GPCPD1: variants seen among roughly 807,000 people sequenced by gnomAD.
The protein encoded by GPCPD1 is glycerophosphocholine phosphodiesterase GPCPD1.
In GPCPD1, 29 loss-of-function variants were observed where a neutral mutation model predicts 89.2. The ratio of observed to expected loss-of-function variants is 0.33; its 90% CI spans 0.24 to 0.44. GPCPD1 has a LOEUF of 0.44. Among genes scored for constraint, GPCPD1 ranks in the 20% least tolerant of loss-of-function variants. The probability of loss-of-function intolerance (pLI) is 1.00; values close to 1 mark genes in which losing one functional copy is unlikely to be tolerated. For missense variants in GPCPD1, 594 were observed against 808.9 expected (o/e 0.73, Z 3.22); for synonymous variants, 258 against 266.3 (o/e 0.97, Z 0.30).
Position 5,545,207 on chromosome 20 carries a change from T to A in GPCPD1, c.*2454A>T, listed in dbSNP as rs1001452078. 1 of 152,212 alleles carries A rather than the reference T, an allele frequency of 6.6e-6. No individual in the cohort carries two copies. Among genetic ancestry groups the A allele is most frequent in the Non-Finnish European group, 1.5e-5 (1 of 68,036 alleles). 9.4% of individuals were successfully genotyped at this position (152,212 alleles called of 1,614,324 possible). A position where few individuals can be genotyped will look rare whatever the true frequency, so the allele number is the denominator to read the frequency against. ...AGTTTACATTCTTAGTAAACATAACTAAATCTCTTAATTCAAAAGGACATT... is the reference window on the plus strand; with the variant it reads ...AGTTTACATTCTTAGTAAACATAACAAAATCTCTTAATTCAAAAGGACATT... On this transcript the variant is annotated 3_prime_UTR_variant, in exon 20 of 20. Coordinates refer to ENST00000379019, the MANE Select transcript of GPCPD1 (RefSeq NM_019593.5).
intron 19 of GPCPD1, among the ~76,000 whole-genome samples, chr20:5,552,963 G>A (rs965835170): frequency 1.3e-5 from 2 of 152,124 alleles, no homozygotes; most frequent in Non-Finnish European, 2.9e-5. Flanking sequence ...TCGTCTTACT[G>A]CACTTCGTCT....
At position 5,592,254 on chromosome 20, in the gene GPCPD1, T is replaced by C. The variant is rs555007211; in HGVS notation, c.231+1073A>G. ...GACCTATGTATCTACACACAATTGC[T>C]TAAGTTATACTAAAGAACTTTACCA... is the stretch of plus-strand genomic sequence containing the variant. On this transcript the variant is annotated intron_variant, in intron 4 of 19. Transcript: ENST00000379019. 6.6e-5 allele frequency among the ~76,000 whole-genome samples: 10 copies of C among 152,352 alleles called. No homozygotes were observed. In the South Asian group the frequency reaches 2.1e-3, roughly 32 times the overall value.
intron 16 of GPCPD1, among the ~76,000 whole-genome samples, 193 bp from the exon 17 acceptor site, chr20:5,560,269 A>G (rs1986013300): frequency 6.6e-6 from 1 of 152,252 alleles, no homozygotes; most frequent in Admixed American, 6.5e-5. Flanking sequence ...GTGATGACAC[A>G]GGTCATAATT....
At chr20:5,594,192 G>A (rs561248192) in intron 3 of GPCPD1, among the ~76,000 whole-genome samples, 2 of 152,312 alleles carry the variant, frequency 1.3e-5, no homozygotes, top group South Asian at 4.1e-4. Context: ...GTAGCTGGGA[G>A]CTTCTTAGAA....
chr20:5,605,488 A>T (rs1240558346), intron 1 of GPCPD1, among the ~76,000 whole-genome samples: 2 of 151,642 alleles, frequency 1.3e-5, no homozygotes, highest in African/African-American at 2.4e-5. Context: ...AAAGAAAAAG[A>T]AAAGAAGGAG....
intron 19 of GPCPD1, among the ~76,000 whole-genome samples, chr20:5,552,231 C>A (rs1985457379): frequency 6.6e-6 from 1 of 152,132 alleles, no homozygotes; most frequent in African/African-American, 2.4e-5. Flanking sequence ...CCTCCTCAGA[C>A]CCTATTAGGA....
intron 8 of GPCPD1, among the ~76,000 whole-genome samples, chr20:5,577,768 C>G (rs1978299386): frequency 6.6e-6 from 1 of 152,056 alleles, no homozygotes; most frequent in Non-Finnish European, 1.5e-5. Context: ...ACTACCGAGC[C>G]AGGCCCACAG....
chr20:5,598,153 T>A (rs544531684), intron 3 of GPCPD1, among the ~76,000 whole-genome samples: 2 of 151,964 alleles, frequency 1.3e-5, no homozygotes, highest in African/African-American at 4.8e-5. Flanking sequence ...CTGGGCAACA[T>A]AACCAGACAC....
intron 12 of GPCPD1, among the ~76,000 whole-genome samples, chr20:5,568,894 C>T (rs903133428): frequency 1.2e-4 from 19 of 152,150 alleles, no homozygotes; most frequent in African/African-American, 4.3e-4. Context: ...GGCAACAGAG[C>T]GAGACTCGGT....
At chr20:5,565,656 ATT>A (rs1255594222) in intron 14 of GPCPD1, among the ~76,000 whole-genome samples, 1 of 152,172 alleles carries the variant, frequency 6.6e-6, no homozygotes, top group Non-Finnish European at 1.5e-5. Flanking sequence ...AAGAGTGATT[ATT>A]TTCTTATAAA....
intron 12 of GPCPD1, among the ~76,000 whole-genome samples, chr20:5,568,232 A>ATATATATATATATACTTAGTG (rs1568653352): frequency 6.8e-6 from 1 of 147,934 alleles, no homozygotes; most frequent in Non-Finnish European, 1.5e-5. Flanking sequence ...TATACTTAGT[A>ATATATATATATATACTTAGTG]TATATATATA....
At chr20:5,565,182 G>C in intron 14 of GPCPD1, 104 bp from the exon 15 acceptor site, 1 of 690,118 alleles carries the variant, frequency 1.4e-6, no homozygotes, top group East Asian at 2.6e-5. Context: ...GAGAGAGAGA[G>C]TGTGTGTGTG....
intron 4 of GPCPD1, among the ~76,000 whole-genome samples, chr20:5,590,542 C>CAAAAAAAAAAAA (rs71197771): frequency 2.5e-5 from 2 of 78,980 alleles, no homozygotes; most frequent in Non-Finnish European, 4.7e-5. Context: ...GACTCTGTCT[C>CAAAAAAAAAAAA]AAAAAAAAAA....
intron 18 of GPCPD1, 113 bp downstream of exon 18, chr20:5,558,571 T>C: frequency 3.2e-6 from 2 of 616,818 alleles, no homozygotes; most frequent in Non-Finnish European, 5.5e-6. Context: ...ACTTGTTTGC[T>C]ACAGTTTAGT....
At chr20:5,599,481 C>T (rs1979974508) in intron 2 of GPCPD1, among the ~76,000 whole-genome samples, 1 of 152,046 alleles carries the variant, frequency 6.6e-6, no homozygotes. Context: ...ACAACAGAAA[C>T]AAAACTGTCA....
intron 4 of GPCPD1, among the ~76,000 whole-genome samples, chr20:5,590,967 C>G (rs1979289476): frequency 6.6e-6 from 1 of 151,878 alleles, no homozygotes. Flanking sequence ...TAACATTTGA[C>G]TATGAGGAAA....
rs552125660 is a variant in GPCPD1, at chr20:5,550,482, T to C, written c.1830-2632A>G. On this transcript the variant is annotated intron_variant, in intron 19 of 19. Transcript: ENST00000379019. ...TTGACAGACTAAAAGGGTTACCAAG[T>C]GTCCAGCAAAGTGGGCAAAGCCAGA... 2.6e-5 allele frequency among the ~76,000 whole-genome samples: 4 copies of C among 152,260 alleles called. No individual in the cohort carries two copies. In the South Asian group the frequency reaches 8.3e-4, roughly 32 times the overall value.
At chr20:5,602,688 C>A (rs1353099590) in intron 2 of GPCPD1, among the ~76,000 whole-genome samples, 3 of 152,186 alleles carry the variant, frequency 2.0e-5, no homozygotes, top group Non-Finnish European at 4.4e-5. Flanking sequence ...AAGACAAGGT[C>A]ATATTTTGAC....
intron 19 of GPCPD1, among the ~76,000 whole-genome samples, chr20:5,551,883 A>G (rs1985432820): frequency 6.6e-6 from 1 of 152,134 alleles, no homozygotes; most frequent in Non-Finnish European, 1.5e-5. Context: ...ACACTCACAC[A>G]CTCTCACCAC....
Sources: allele counts gnomAD v4.1 joint callset (sites outside exome capture counted in the v4.1 genomes callset), GRCh38; gene constraint gnomAD v4.1.1; transcripts MANE v1.5; gene names NCBI Gene and HGNC (gene_info 2026-07-23, HGNC 2026-07-21).